The following PDXDC1 variants were observed in gnomAD, a reference collection of about 807,000 sequenced individuals.
The protein encoded by PDXDC1 is pyridoxal-dependent decarboxylase domain-containing protein 1.
In PDXDC1, 42 loss-of-function variants were observed where a neutral mutation model predicts 100.1. The observed-to-expected ratio is 0.42, with a 90% CI of 0.33 to 0.54. PDXDC1 has a LOEUF of 0.54. Among genes scored for constraint, PDXDC1 ranks in the 20% least tolerant of loss-of-function variants. PDXDC1 has a pLI of 0.10. For synonymous variants in PDXDC1, 260 were observed against 371.7 expected, an observed-to-expected ratio of 0.70 and a Z score of 3.46; for missense variants, 636 against 979.2, an observed-to-expected ratio of 0.65 and a Z score of 4.68.
chr16:15,146,752 G>A, the PDXDC1 span, among the ~76,000 whole-genome samples: 1 of 152,124 alleles, frequency 6.6e-6, no homozygotes, highest in Non-Finnish European at 1.5e-5. Context: ...AGGTCTCACA[G>A]TGCATGGAGG....
At chr16:15,045,082 C>T (rs535169500) in intron 16 of PDXDC1, 2 of 150,680 alleles carry the variant, frequency 1.3e-5, no homozygotes, top group Admixed American at 1.3e-4. Flanking sequence ...CAAGATCGTG[C>T]CACTGCACTC....
At position 15,127,564 on chromosome 16, in the gene PDXDC1, C is replaced by G. The variant is rs1299341009; in HGVS notation, c.1400-11315C>G. ...CAGGCCAACAGCGACTGTGTCGACG[C>G]TCAGCGGGCTCAGCCTGGACACATG... On this transcript the variant is annotated intron_variant, in intron 16 of 16. Transcript: ENST00000535621. 4 of 1,298,476 alleles carry G rather than the reference C, an allele frequency of 3.1e-6. No homozygotes were observed. The East Asian group carries it at 7.5e-5, about 24-fold the overall frequency. 80.4% of individuals were successfully genotyped at this position (1,298,476 alleles called of 1,614,324 possible).
At chr16:15,080,638 C>T (rs1163743758) in intron 16 of PDXDC1, among the ~76,000 whole-genome samples, 4 of 152,112 alleles carry the variant, frequency 2.6e-5, no homozygotes, top group Non-Finnish European at 5.9e-5. Context: ...ACTATGTTGC[C>T]CAGGCTGGTC....
chr16:15,148,623 ATC>A, the PDXDC1 span, among the ~76,000 whole-genome samples: 5 of 150,960 alleles, frequency 3.3e-5, no homozygotes, highest in Non-Finnish European at 5.9e-5. Flanking sequence ...GGCTCAAGCG[ATC>A]CACCCACCCT....
At chr16:15,033,538 C>A in intron 19 of PDXDC1, 139 bp downstream of exon 19, 1 of 998,076 alleles carries the variant, frequency 1.0e-6, no homozygotes, top group Non-Finnish European at 1.5e-6. Context: ...TAAGCTGGGC[C>A]TTGTGCCAGG....
intron 16 of PDXDC1, chr16:15,055,860 G>T: frequency 8.6e-6 from 10 of 1,164,076 alleles, no homozygotes; most frequent in East Asian, 3.2e-5. Flanking sequence ...CCTCGGGCCC[G>T]CCCCGAAGCC....
intron 8 of PDXDC1, among the ~76,000 whole-genome samples, chr16:15,012,490 T>C (rs2041396774): frequency 6.6e-6 from 1 of 152,288 alleles, no homozygotes. Flanking sequence ...GAAAAGATGT[T>C]TAACATCATT....
chr16:15,088,196 G>A (rs2045983777), intron 16 of PDXDC1, among the ~76,000 whole-genome samples: 1 of 152,136 alleles, frequency 6.6e-6, no homozygotes, highest in Admixed American at 6.5e-5. Flanking sequence ...CTAGCAGGCA[G>A]GAACAGTGGC....
At chr16:15,131,232 G>C (rs779806835) in intron 16 of PDXDC1, 9 of 1,591,582 alleles carry the variant, frequency 5.7e-6, no homozygotes, top group Non-Finnish European at 7.7e-6. Flanking sequence ...CCCAGTCCGA[G>C]TTGTTGGGCA....
chr16:15,142,668 C>A (rs946112920), downstream of PDXDC1, among the ~76,000 whole-genome samples: 6 of 152,186 alleles, frequency 3.9e-5, no homozygotes, highest in Admixed American at 6.5e-5. Flanking sequence ...TACTTTTCCA[C>A]GTCTGCATCT....
At chr16:15,061,779 G>T (rs760370682) in intron 16 of PDXDC1, 1 of 1,614,020 alleles carries the variant, frequency 6.2e-7, no homozygotes, top group Admixed American at 1.7e-5. Context: ...AACACGGGTG[G>T]GGAGCCCACA....
Position 14,991,526 on chromosome 16 carries a change from A to ATT in PDXDC1, c.22-6211_22-6210dup, listed in dbSNP as rs1168644641. 6.9e-4 allele frequency among the ~76,000 whole-genome samples: 94 copies of ATT among 136,430 alleles called. 1 individual carries two copies. The highest frequency in any genetic ancestry group is 6.1e-4 in the Non-Finnish European group (39 of 63,686). The allele number at this position is 136,430 out of a possible 152,430, so 89.5% of individuals were successfully genotyped here. A position where few individuals can be genotyped will look rare whatever the true frequency, so the allele number is the denominator to read the frequency against. ...ATATTGCCTAAGCTGTATTTTGTCTATTTTTTTTTTTTTTTTTGGTGACAG... is the reference window on the plus strand; with the variant it reads ...ATATTGCCTAAGCTGTATTTTGTCTATTTTTTTTTTTTTTTTTTTGGTGACAG... On this transcript the variant is annotated intron_variant, in intron 1 of 22. Transcript: ENST00000396410.
At chr16:15,053,927 C>A (rs1035757536) in intron 16 of PDXDC1, among the ~76,000 whole-genome samples, 17 of 152,100 alleles carry the variant, frequency 1.1e-4, no homozygotes, top group African/African-American at 3.1e-4. Flanking sequence ...AACCAACCAA[C>A]CAAACAAACA....
chr16:15,067,065 C>G (rs919560124), intron 16 of PDXDC1, among the ~76,000 whole-genome samples: 3 of 142,804 alleles, frequency 2.1e-5, no homozygotes, highest in Non-Finnish European at 4.7e-5. Flanking sequence ...AGCCTCCACC[C>G]ACTCACTGCC....
chr16:15,015,856 T>C, intron 8 of PDXDC1: 1 of 667,436 alleles, frequency 1.5e-6, no homozygotes. Context: ...ATATTTCTCA[T>C]GAGTCAGCAG....
chr16:15,107,800 C>T, intron 16 of PDXDC1: 1 of 414,650 alleles, frequency 2.4e-6, no homozygotes. Context: ...TGTGAAAAAC[C>T]AGACCTCACC....
At chr16:15,093,819 A>T (rs1280348742) in intron 16 of PDXDC1, 10 of 408,122 alleles carry the variant, frequency 2.5e-5, no homozygotes, top group Middle Eastern at 6.2e-4. Context: ...TAGCCCAGGG[A>T]AATCCCTTCC....
At chr16:14,984,562 A>G (rs1968887358) in intron 1 of PDXDC1, among the ~76,000 whole-genome samples, 1 of 141,316 alleles carries the variant, frequency 7.1e-6, no homozygotes, top group African/African-American at 2.7e-5. Context: ...CAATGGCGCC[A>G]TCTCGGTTCA....
rs377637555 is a variant in PDXDC1 at position 15,000,488 on chromosome 16, A to G, written c.162-1288A>G. 4.2e-4 allele frequency among the ~76,000 whole-genome samples: 64 copies of G among 152,400 alleles called. No individual in the cohort carries two copies. In the East Asian group the frequency reaches 8.7e-3, roughly 21 times the overall value. ...CTTGAAGGGCAGCACCTTGGGGACA[A>G]TTGGTTTGGGGACACTGTTTTGATG... On this transcript the variant is annotated intron_variant, in intron 3 of 22. Transcript: ENST00000396410.
Sources: gnomAD v4.1 joint callset for allele counts (sites outside exome capture counted in the v4.1 genomes callset) on GRCh38, gnomAD v4.1.1 for gene constraint, MANE v1.5 for transcripts, NCBI Gene and HGNC (gene_info 2026-07-23, HGNC 2026-07-21) for gene names.